Variants in DPH6 observed in about 807,000 individuals in gnomAD.
The protein encoded by DPH6 is diphthamine biosynthesis 6, also known as diphthine--ammonia ligase.
In DPH6, 33 loss-of-function variants were observed where a neutral mutation model predicts 38.2. The observed-to-expected ratio is 0.86, with a 90% CI of 0.65 to 1.15. The LOEUF (loss-of-function observed/expected upper bound fraction) is 1.15, where lower values mean the gene tolerates loss of function less well. Ranked by LOEUF, DPH6 falls within the 50% of genes most tolerant of loss-of-function variation. The probability of loss-of-function intolerance (pLI) is 0.00; values close to 1 mark genes in which losing one functional copy is unlikely to be tolerated. For synonymous variants in DPH6, 108 were observed against 103.0 expected, an observed-to-expected ratio of 1.05 and a Z score of -0.30; for missense variants, 325 against 320.0, an observed-to-expected ratio of 1.02 and a Z score of -0.12.
the DPH6 span, among the ~76,000 whole-genome samples, chr15:35,164,935 T>C: frequency 6.6e-6 from 1 of 151,906 alleles, no homozygotes; most frequent in Non-Finnish European, 1.5e-5. Flanking sequence ...ATGAATCTTT[T>C]AGGAAAGAGA....
Position 35,401,260 on chromosome 15 carries a change from G to T in DPH6, c.567+9575C>A, listed in dbSNP as rs745874071. ...ACAAAGTGGTTCTGGAAACTTTGGT[G>T]GTGGTTGTGGAGACAGTTTCGGTGG... On this transcript the variant is annotated intron_variant, in intron 6 of 8. Coordinates refer to ENST00000256538, the MANE Select transcript of DPH6 (RefSeq NM_080650.4). 14 of 978,236 alleles carry T rather than the reference G, an allele frequency of 1.4e-5. 1 individual carries two copies. The highest frequency in any genetic ancestry group is 2.3e-5 in the Non-Finnish European group (14 of 615,344). The allele number at this position is 978,236 out of a possible 1,614,324, so 60.6% of individuals were successfully genotyped here. A position where few individuals can be genotyped will look rare whatever the true frequency, so the allele number is the denominator to read the frequency against.
downstream of DPH6, among the ~76,000 whole-genome samples, chr15:35,329,585 AG>A (rs1287795049): frequency 6.6e-6 from 1 of 152,214 alleles, no homozygotes; most frequent in African/African-American, 2.4e-5. Flanking sequence ...ACAGCATGAA[AG>A]AGAACAGGCA....
chr15:35,478,581 A>G (rs2054290262), intron 3 of DPH6, among the ~76,000 whole-genome samples: 2 of 152,016 alleles, frequency 1.3e-5, no homozygotes, highest in African/African-American at 2.4e-5. Context: ...TATGAATTCA[A>G]TATCATTAAT....
At chr15:35,420,953 A>G (rs971050215) in intron 5 of DPH6, among the ~76,000 whole-genome samples, 1 of 152,182 alleles carries the variant, frequency 6.6e-6, no homozygotes, top group African/African-American at 2.4e-5. Flanking sequence ...AATACAAAGG[A>G]TCATAAGACA....
chr15:35,500,265 T>G (rs2054609250), intron 3 of DPH6, among the ~76,000 whole-genome samples: 1 of 152,128 alleles, frequency 6.6e-6, no homozygotes, highest in East Asian at 1.9e-4. Context: ...TTCTAAGTCT[T>G]GAACCTTATA....
At chr15:35,196,907 A>ATACC in the DPH6 span, among the ~76,000 whole-genome samples, 1 of 152,146 alleles carries the variant, frequency 6.6e-6, no homozygotes, top group Non-Finnish European at 1.5e-5. Context: ...AAATCCAACA[A>ATACC]TTTTTGGGAT....
chr15:35,218,577 G>C (rs1019991560), exon 4 of DPH6: 1 of 152,156 alleles, frequency 6.6e-6, no homozygotes, highest in African/African-American at 2.4e-5. Context: ...GATTAAGTTA[G>C]ACAGAAATTA....
chr15:35,382,590 GC>G (rs1397464167), intron 6 of DPH6, among the ~76,000 whole-genome samples: 1 of 152,128 alleles, frequency 6.6e-6, no homozygotes, highest in African/African-American at 2.4e-5. Context: ...CCAACTCTTT[GC>G]CTTTAAGTGG....
intron 3 of DPH6, among the ~76,000 whole-genome samples, chr15:35,335,064 CTT>C (rs750443661): frequency 4.0e-5 from 6 of 151,882 alleles, no homozygotes; most frequent in Non-Finnish European, 5.9e-5. Flanking sequence ...GCCAGTATCT[CTT>C]GTTTTTTGAC....
intron 3 of DPH6, among the ~76,000 whole-genome samples, chr15:35,320,231 ATTTTGTTTGCTAAG>A (rs1304315500): frequency 6.6e-6 from 1 of 151,936 alleles, no homozygotes; most frequent in Non-Finnish European, 1.5e-5. Context: ...AGGATATATT[ATTTTGTTTGCTAAG>A]TTTGATGCCT....
intron 3 of DPH6, among the ~76,000 whole-genome samples, chr15:35,464,823 T>C (rs553461420): frequency 1.3e-5 from 2 of 152,278 alleles, no homozygotes; most frequent in South Asian, 4.1e-4. Flanking sequence ...GTCAAGAACA[T>C]ACACACATGA....
rs2052719185 is a variant in DPH6 at position 35,372,045 on chromosome 15, AAG to A, written c.*103_*104del. 3 of 1,440,510 alleles carry A rather than the reference AAG, an allele frequency of 2.1e-6. No individual in the cohort carries two copies. The highest frequency in any genetic ancestry group is 3.3e-5 in the Admixed American group (1 of 30,742). 89.2% of individuals were successfully genotyped at this position (1,440,510 alleles called of 1,614,324 possible). A position where few individuals can be genotyped will look rare whatever the true frequency, so the allele number is the denominator to read the frequency against. ...TGAAAGTATGTTTCTCTAAAAAAAT[AAG>A]AGTCATGAGAAAAAAATAAACTAGT... On this transcript the variant is annotated 3_prime_UTR_variant, in exon 9 of 9. Transcript: ENST00000256538.
intron 6 of DPH6, among the ~76,000 whole-genome samples, chr15:35,389,615 C>T (rs1284746660): frequency 1.3e-5 from 2 of 152,078 alleles, no homozygotes; most frequent in African/African-American, 2.4e-5. Context: ...TTGTCTCTTT[C>T]GATCTTTGTT....
chr15:35,410,721 T>G, intron 6 of DPH6, 114 bp downstream of exon 6: 1 of 751,514 alleles, frequency 1.3e-6, no homozygotes, highest in Non-Finnish European at 2.0e-6. Flanking sequence ...AAATATATTA[T>G]GAATGTATTT....
intron 3 of DPH6, chr15:35,282,908 T>C (rs1266628166): frequency 2.9e-6 from 1 of 341,386 alleles, no homozygotes; most frequent in South Asian, 3.2e-5. Context: ...GATGTTCCTG[T>C]TGAAGAACAT....
At chr15:35,317,728 C>A (rs2052205718) in intron 3 of DPH6, among the ~76,000 whole-genome samples, 1 of 151,972 alleles carries the variant, frequency 6.6e-6, no homozygotes, top group South Asian at 2.1e-4. Context: ...ATTATGTCTT[C>A]TGGGAGCTAA....
At position 35,426,877 on chromosome 15, in the gene DPH6, A is replaced by C. The variant is rs367992326; in HGVS notation, c.506-15981T>G. Among the ~76,000 whole-genome samples, 56 of 151,670 alleles carry C rather than the reference A, an allele frequency of 3.7e-4. 2 individuals are homozygous for C. Among genetic ancestry groups the C allele is most frequent in the Middle Eastern group, 3.4e-3 (1 of 294 alleles). Reference sequence around the variant, plus strand: ...ATTTGTGGATGGTTTAAAAAAAAAAAAACAACCTTGAAACAATTCCATAGA... The same window carrying C: ...ATTTGTGGATGGTTTAAAAAAAAAACAACAACCTTGAAACAATTCCATAGA... On this transcript the variant is annotated intron_variant, in intron 5 of 8. Transcript: ENST00000256538.
intron 3 of DPH6, among the ~76,000 whole-genome samples, chr15:35,274,207 A>G (rs1234210874): frequency 1.3e-5 from 2 of 152,238 alleles, no homozygotes; most frequent in Non-Finnish European, 2.9e-5. Flanking sequence ...CAGATGCAGA[A>G]AACAGAAACT....
At chr15:35,485,796 T>C (rs1446353145) in intron 3 of DPH6, among the ~76,000 whole-genome samples, 1 of 152,252 alleles carries the variant, frequency 6.6e-6, no homozygotes, top group South Asian at 2.1e-4. Flanking sequence ...TTGTATGCGA[T>C]ATTTGGATTA....
Sources: allele counts gnomAD v4.1 joint callset (sites outside exome capture counted in the v4.1 genomes callset), GRCh38; gene constraint gnomAD v4.1.1; transcripts MANE v1.5; gene names NCBI Gene and HGNC (gene_info 2026-07-23, HGNC 2026-07-21).